Variants in MYO1E observed in about 807,000 individuals in gnomAD.
The protein encoded by MYO1E is myosin IE.
MYO1E carries 68 observed loss-of-function variants against 151.1 expected under a neutral mutation model. The observed-to-expected ratio is 0.45, with a 90% CI of 0.37 to 0.55. MYO1E has a LOEUF of 0.55. MYO1E is among the 20% of genes least tolerant of loss of function. The pLI is 0.00. For synonymous variants in MYO1E, 601 were observed against 501.7 expected, an observed-to-expected ratio of 1.20 and a Z score of -2.64; for missense variants, 1,363 against 1,389.3, an observed-to-expected ratio of 0.98 and a Z score of 0.30.
intron 1 of MYO1E, among the ~76,000 whole-genome samples, chr15:59,331,827 T>C (rs567078480): frequency 6.2e-4 from 94 of 152,368 alleles, no homozygotes; most frequent in Middle Eastern, 6.8e-3. Flanking sequence ...TCTGTTTATA[T>C]GTAGCTAGTT....
intron 14 of MYO1E, 148 bp downstream of exon 14, chr15:59,208,533 T>A (rs2079855509): frequency 2.1e-6 from 2 of 973,360 alleles, no homozygotes; most frequent in East Asian, 5.1e-5. Flanking sequence ...GTATATACAA[T>A]CTTTTGTTTT....
chr15:59,357,544 C>A (rs1022375125), intron 1 of MYO1E, among the ~76,000 whole-genome samples: 2 of 151,740 alleles, frequency 1.3e-5, no homozygotes, highest in Admixed American at 6.6e-5. Flanking sequence ...CTTGTCTCAG[C>A]CTCCCGAGTA....
At chr15:59,167,489 G>A (rs142082735) in intron 22 of MYO1E, among the ~76,000 whole-genome samples, 1 of 152,234 alleles carries the variant, frequency 6.6e-6, no homozygotes, top group Non-Finnish European at 1.5e-5. Context: ...GTGGGGCCAG[G>A]CCAGTACTTG....
chr15:59,174,599 T>C (rs1354106576), intron 19 of MYO1E, among the ~76,000 whole-genome samples: 2 of 152,106 alleles, frequency 1.3e-5, no homozygotes, highest in East Asian at 3.9e-4. Context: ...GGAAGTCAGA[T>C]CAAGTGAGTG....
chr15:59,371,738 G>C (rs1254181602), intron 1 of MYO1E, among the ~76,000 whole-genome samples: 1 of 152,158 alleles, frequency 6.6e-6, no homozygotes, highest in African/African-American at 2.4e-5. Flanking sequence ...CCTCGCGCTT[G>C]GGAAGGGGTG....
chr15:59,268,868 C>T (rs28556876), intron 2 of MYO1E, among the ~76,000 whole-genome samples: 3,300 of 151,308 alleles, frequency 0.022, 114 homozygotes, highest in African/African-American at 0.075. Flanking sequence ...AGTAAACAAT[C>T]GTGATTGGGA....
intron 1 of MYO1E, among the ~76,000 whole-genome samples, chr15:59,370,574 A>G (rs2080938874): frequency 6.6e-6 from 1 of 152,194 alleles, no homozygotes; most frequent in Non-Finnish European, 1.5e-5. Flanking sequence ...GGAGCCCATC[A>G]ATAGGGAAGT....
chr15:59,189,206 T>G (rs1232326610), intron 17 of MYO1E, among the ~76,000 whole-genome samples: 3 of 152,108 alleles, frequency 2.0e-5, no homozygotes, highest in African/African-American at 7.2e-5. Flanking sequence ...ACTACAAGCA[T>G]GCACCACCAC....
chr15:59,205,387 A>T lies in MYO1E; in HGVS notation c.1616+13T>A, dbSNP rs2079826761. 6.2e-7 allele frequency: 1 copy of T among 1,613,066 alleles called. No homozygotes were observed. The highest frequency in any genetic ancestry group is 8.5e-7 in the Non-Finnish European group (1 of 1,179,142). On this transcript the variant is annotated intron_variant, in intron 15 of 27. Transcript: ENST00000288235. The stretch of plus-strand genomic sequence containing the variant: ...ACCTATATCCCCTGTCAGCTATGGC[A>T]AAACATACTTACAGCTCGCTGCTCT...
chr15:59,224,793 G>T lies in MYO1E; in HGVS notation c.673C>A (p.His225Asn), dbSNP rs780242757. ...TCCATGCTGGTGATGCCAAGGCTGT[G>T]TTTCTGCTCTGCAGAGGCGCCCTCG... ...LIEGASAEQK[H>N]SLGITSMDYY... The change falls in exon 8 of 28, where the codon CAC becomes AAC. Residue 225 changes from histidine (H) to asparagine (N), a missense_variant. Transcript: ENST00000288235. 2 of 1,614,226 alleles carry T rather than the reference G, an allele frequency of 1.2e-6. No individual in the cohort carries two copies. The highest frequency in any genetic ancestry group is 2.2e-5 in the South Asian group (2 of 91,084).
At chr15:59,213,334 C>A (rs1377940001) in intron 12 of MYO1E, among the ~76,000 whole-genome samples, 21 of 151,908 alleles carry the variant, frequency 1.4e-4, no homozygotes, top group Non-Finnish European at 2.9e-5. Context: ...TCACGCCCAG[C>A]TAATTTTTGT....
intron 1 of MYO1E, among the ~76,000 whole-genome samples, chr15:59,281,128 T>C (rs912843426): frequency 2.0e-5 from 3 of 152,182 alleles, no homozygotes; most frequent in African/African-American, 4.8e-5. Flanking sequence ...ATGTTCAAGT[T>C]TGTATCTCTT....
At chr15:59,282,092 C>T in intron 1 of MYO1E, among the ~76,000 whole-genome samples, 1 of 152,192 alleles carries the variant, frequency 6.6e-6, no homozygotes, top group East Asian at 1.9e-4. Flanking sequence ...CCCTATTGGG[C>T]CTTTTCTTGT....
At chr15:59,341,965 T>C (rs1218141436) in intron 1 of MYO1E, among the ~76,000 whole-genome samples, 3 of 152,228 alleles carry the variant, frequency 2.0e-5, no homozygotes, top group Non-Finnish European at 4.4e-5. Context: ...ACAGTGGCTA[T>C]ACTCATTTAT....
chr15:59,227,285 AACTC>A (rs1239213119), intron 7 of MYO1E, among the ~76,000 whole-genome samples, 170 bp downstream of exon 7: 1 of 152,202 alleles, frequency 6.6e-6, no homozygotes, highest in African/African-American at 2.4e-5. Flanking sequence ...CTCCAATTAG[AACTC>A]ACTCTCCTTG....
chr15:59,292,410 G>A (rs1012085733), intron 1 of MYO1E, among the ~76,000 whole-genome samples: 9 of 152,286 alleles, frequency 5.9e-5, no homozygotes, highest in African/African-American at 2.2e-4. Flanking sequence ...AATGTACTAC[G>A]ACTGGCAGGC....
At chr15:59,302,254 C>T (rs904171943) in intron 1 of MYO1E, among the ~76,000 whole-genome samples, 6 of 152,142 alleles carry the variant, frequency 3.9e-5, no homozygotes, top group Non-Finnish European at 7.3e-5. Flanking sequence ...GTCCAATTAA[C>T]GAAGGCACTG....
At chr15:59,211,188 A>C (rs1351603381) in intron 12 of MYO1E, among the ~76,000 whole-genome samples, 1 of 142,458 alleles carries the variant, frequency 7.0e-6, no homozygotes. Context: ...TGACAGAGCG[A>C]AACTCCAACT....
intron 26 of MYO1E, among the ~76,000 whole-genome samples, chr15:59,148,946 C>T (rs2079457781): frequency 6.6e-6 from 1 of 151,664 alleles, no homozygotes. Flanking sequence ...CAAGAATGAA[C>T]TGCAGGTAGA....
Sources: gnomAD v4.1 joint callset for allele counts (sites outside exome capture counted in the v4.1 genomes callset) on GRCh38, gnomAD v4.1.1 for gene constraint, MANE v1.5 for transcripts, NCBI Gene and HGNC (gene_info 2026-07-23, HGNC 2026-07-21) for gene names.